Variants in ZNF831 observed in about 807,000 individuals in gnomAD.
ZNF831 encodes the protein zinc finger protein 831.
ZNF831 carries 59 observed loss-of-function variants against 95.8 expected under a neutral mutation model. The ratio of observed to expected loss-of-function variants is 0.62; its 90% confidence interval spans 0.50 to 0.77. The LOEUF (loss-of-function observed/expected upper bound fraction) is 0.77. ZNF831 is among the 30% of genes least tolerant of loss of function. ZNF831 has a pLI of 0.00. For synonymous variants in ZNF831, 961 were observed against 925.5 expected (o/e 1.04, Z -0.70); for missense variants, 2,205 against 2,164.0 (o/e 1.02, Z -0.38).
At position 59,256,767 on chromosome 20, in the gene ZNF831, A is replaced by T. The variant is rs1988207658; in HGVS notation, c.*2024A>T. 1 of 152,222 alleles carries T rather than the reference A, an allele frequency of 6.6e-6. No individual in the cohort carries two copies. The highest frequency in any genetic ancestry group is 1.5e-5 in the Non-Finnish European group (1 of 68,046). 9.4% of individuals were successfully genotyped at this position (152,222 alleles called of 1,614,324 possible). ...TGGGGACAGTGAGGAACTGAAACACAAGCACCTTCCACCAATTATTGCTGT... is the reference window on the plus strand; with the variant it reads ...TGGGGACAGTGAGGAACTGAAACACTAGCACCTTCCACCAATTATTGCTGT... On this transcript the variant is annotated 3_prime_UTR_variant, in exon 6 of 6. Transcript: ENST00000371030.
rs747109886 is a variant in ZNF831 at position 59,191,066 on chromosome 20, A to G, written c.47A>G (p.Gln16Arg). The change falls in exon 2 of 6, where the codon CAG becomes CGG. Residue 16 changes from glutamine (Q) to arginine (R), a missense_variant. By Grantham distance (43) the Gln-to-Arg change is conservative. Coordinates refer to ENST00000371030, the MANE Select transcript of ZNF831 (RefSeq NM_178457.3). ...PTCPAPPARDQPAPTPGPPGA... is the reference protein window; with the variant it reads ...PTCPAPPARDRPAPTPGPPGA... ...TGCCCTGCCCCTCCTGCGAGGGACC[A>G]GCCAGCTCCCACTCCTGGCCCTCCA... 5.3e-6 allele frequency: 8 copies of G among 1,514,468 alleles called. No individual in the cohort carries two copies. In the Admixed American group the frequency reaches 1.8e-4, roughly 34 times the overall value. The allele number at this position is 1,514,468 out of a possible 1,614,324, so 93.8% of individuals were successfully genotyped here.
upstream of ZNF831, among the ~76,000 whole-genome samples, chr20:59,163,014 G>GAT (rs1980969130): frequency 7.3e-6 from 1 of 136,458 alleles, no homozygotes; most frequent in Non-Finnish European, 1.6e-5. Flanking sequence ...TGTATTCCTA[G>GAT]GTGTGTGTGT....
intron 4 of ZNF831, among the ~76,000 whole-genome samples, chr20:59,249,437 TC>T (rs1219471294): frequency 1.3e-5 from 2 of 152,212 alleles, no homozygotes; most frequent in Admixed American, 1.3e-4. Flanking sequence ...GGCGTCTGCT[TC>T]CTTGTCTTTG....
chr20:59,148,613 G>A (rs1184630169), intron 2 of ZNF831, among the ~76,000 whole-genome samples: 1 of 129,946 alleles, frequency 7.7e-6, no homozygotes, highest in Admixed American at 7.6e-5. Context: ...CCGGGAGGTG[G>A]AGCTTGCAGT....
At chr20:59,135,772 C>T (rs1979491243) in intron 1 of ZNF831, among the ~76,000 whole-genome samples, 1 of 152,150 alleles carries the variant, frequency 6.6e-6, no homozygotes, top group South Asian at 2.1e-4. Context: ...ATGGTGCATG[C>T]CTGTGATCCC....
rs753104373 is a variant in ZNF831 at position 59,192,666 on chromosome 20, C to A, written c.1647C>A (p.Ser549Arg). The A allele has an allele frequency of 6.5e-7, 1 of 1,539,446 alleles. No homozygotes were observed. Among genetic ancestry groups the A allele is most frequent in the Middle Eastern group, 1.7e-4 (1 of 5,788 alleles). The change falls in exon 2 of 6, where the codon AGC (serine) becomes AGA (arginine). Residue 549 changes from serine (S) to arginine (R), a missense_variant. Ser to Arg is a moderately radical substitution (Grantham distance 110, BLOSUM62 -1). Coordinates refer to ENST00000371030, the MANE Select transcript of ZNF831 (RefSeq NM_178457.3). This position sits in a 1 kb window ranked among gnomAD's most constrained non-coding sequence, Gnocchi z 5.2. The part of the protein sequence containing the change: ...PARLGCRSGL[S>R]STDVPSGHPR... The stretch of plus-strand genomic sequence containing the variant: ...GCCTGGGCTGCCGCTCGGGACTAAG[C>A]TCGACTGACGTTCCCAGTGGGCATC...
intron 4 of ZNF831, among the ~76,000 whole-genome samples, chr20:59,240,429 G>A (rs1266849177): frequency 6.6e-6 from 1 of 152,180 alleles, no homozygotes; most frequent in Non-Finnish European, 1.5e-5. Context: ...TTTCTAGGCA[G>A]TTCTAATAAT....
At chr20:59,160,683 G>A (rs796103947), upstream of ZNF831, 4 of 152,438 alleles carry the variant, frequency 2.6e-5, no homozygotes, top group African/African-American at 9.6e-5. Context: ...TTCTGGACTG[G>A]CATGTGTGTC....
intron 4 of ZNF831, among the ~76,000 whole-genome samples, chr20:59,237,865 T>G (rs899869097): frequency 9.1e-4 from 138 of 152,292 alleles, no homozygotes; most frequent in African/African-American, 3.0e-3. Context: ...TTCAGACTGA[T>G]TCGTCTAAGC....
intron 1 of ZNF831, among the ~76,000 whole-genome samples, chr20:59,129,603 A>G (rs1185257521): frequency 6.6e-6 from 1 of 152,212 alleles, no homozygotes; most frequent in East Asian, 1.9e-4. Context: ...AGCCTGGGTG[A>G]CAGAGTGAGT....
At chr20:59,144,522 C>A (rs565870489) in intron 1 of ZNF831, among the ~76,000 whole-genome samples, 7 of 152,100 alleles carry the variant, frequency 4.6e-5, no homozygotes, top group Non-Finnish European at 1.0e-4. Context: ...CCCAATGTCC[C>A]CAGAGGGGAA....
chr20:59,187,921 T>G (rs1983194839), intron 1 of ZNF831, among the ~76,000 whole-genome samples: 1 of 152,252 alleles, frequency 6.6e-6, no homozygotes, highest in African/African-American at 2.4e-5. Flanking sequence ...GTGTCTGGCT[T>G]CTTTCATGCA....
At chr20:59,158,854 A>T (rs1441048025), upstream of ZNF831, among the ~76,000 whole-genome samples, 1 of 152,194 alleles carries the variant, frequency 6.6e-6, no homozygotes, top group Non-Finnish European at 1.5e-5. Context: ...CCCACCCCGC[A>T]GCATCTTACA....
chr20:59,248,529 G>A (rs1206067227), intron 4 of ZNF831, among the ~76,000 whole-genome samples: 1 of 152,222 alleles, frequency 6.6e-6, no homozygotes, highest in Non-Finnish European at 1.5e-5. Flanking sequence ...TGAGTCAGAA[G>A]TTATTGGTCA....
chr20:59,134,940 C>A (rs1015253580), intron 1 of ZNF831, among the ~76,000 whole-genome samples: 1 of 152,120 alleles, frequency 6.6e-6, no homozygotes, highest in Non-Finnish European at 1.5e-5. Context: ...AGGTATCCAC[C>A]TCCACTGGCC....
intron 1 of ZNF831, among the ~76,000 whole-genome samples, chr20:59,166,594 C>A (rs969475138): frequency 2.6e-5 from 4 of 152,124 alleles, no homozygotes; most frequent in African/African-American, 9.7e-5. Flanking sequence ...CCCCCCAACC[C>A]CTTAACCCCA....
chr20:59,124,569 G>A (rs1238264601), intron 1 of ZNF831, among the ~76,000 whole-genome samples: 1 of 152,152 alleles, frequency 6.6e-6, no homozygotes, highest in African/African-American at 2.4e-5. Context: ...AGCCTGTGCA[G>A]TGGGGCCAGA....
At chr20:59,232,206 T>C (rs1426528155) in intron 4 of ZNF831, among the ~76,000 whole-genome samples, 2 of 152,224 alleles carry the variant, frequency 1.3e-5, no homozygotes, top group African/African-American at 2.4e-5. Context: ...CTTTAATCCA[T>C]TTCTTCTTGG....
At chr20:59,213,384 C>T (rs1159635374) in intron 4 of ZNF831, among the ~76,000 whole-genome samples, 1 of 152,140 alleles carries the variant, frequency 6.6e-6, no homozygotes, top group Non-Finnish European at 1.5e-5. Context: ...GTCCTTAATA[C>T]TATTCACTGT....
Sources: allele counts gnomAD v4.1 joint callset (sites outside exome capture counted in the v4.1 genomes callset), GRCh38; gene constraint gnomAD v4.1.1; non-coding constraint Gnocchi (gnomAD v3.1); transcripts MANE v1.5; gene names NCBI Gene and HGNC (gene_info 2026-07-23, HGNC 2026-07-21).